OR3A3: variants seen among roughly 807,000 people sequenced by gnomAD.
OR3A3 encodes the protein olfactory receptor family 3 subfamily A member 3, also known as olfactory receptor 3A3.
For missense variants in OR3A3, 275 were observed against 391.4 expected (o/e 0.70, Z 2.51); for synonymous variants, 103 against 163.9 (o/e 0.63, Z 2.84).
chr17:3,413,835 A>C (rs2072375004), intron 2 of OR3A3, among the ~76,000 whole-genome samples: 2 of 144,736 alleles, frequency 1.4e-5, no homozygotes, highest in African/African-American at 5.5e-5. Flanking sequence ...AAAAACAAAA[A>C]AACAAAAAAC....
At chr17:3,418,219 C>A (rs1184250361) in intron 2 of OR3A3, among the ~76,000 whole-genome samples, 1 of 152,142 alleles carries the variant, frequency 6.6e-6, no homozygotes, top group Non-Finnish European at 1.5e-5. Flanking sequence ...CTCCTCTACC[C>A]TCCCCATTTT....
chr17:3,416,453 C>CAAAAAAA (rs56117626), intron 2 of OR3A3, among the ~76,000 whole-genome samples: 2 of 147,698 alleles, frequency 1.4e-5, no homozygotes, highest in African/African-American at 2.5e-5. Flanking sequence ...GCACACTTCG[C>CAAAAAAA]AAAAAAAAAA....
At chr17:3,423,170 A>T (rs752116013) in exon 3 of OR3A3, 1 of 152,408 alleles carries the variant, frequency 6.6e-6, no homozygotes, top group Admixed American at 6.5e-5. Context: ...CACCTGTACC[A>T]TAAGGGACTG....
At chr17:3,422,310 G>C (rs1231610470) in exon 3 of OR3A3, 1 of 152,140 alleles carries the variant, frequency 6.6e-6, no homozygotes, top group Non-Finnish European at 1.5e-5. Flanking sequence ...TATACCTTAA[G>C]ATCAAAAAGG....
intron 2 of OR3A3, among the ~76,000 whole-genome samples, chr17:3,413,233 A>G (rs1230973091): frequency 6.6e-6 from 1 of 152,142 alleles, no homozygotes. Context: ...AAAGAGAGAA[A>G]CAGAGAGACA....
intron 2 of OR3A3, among the ~76,000 whole-genome samples, chr17:3,417,133 G>C (rs2072397162): frequency 6.6e-6 from 1 of 151,834 alleles, no homozygotes; most frequent in Non-Finnish European, 1.5e-5. Context: ...CTTAGTTAAG[G>C]TTTGTCAATT....
At chr17:3,417,579 A>G (rs138106875) in intron 2 of OR3A3, among the ~76,000 whole-genome samples, 168 of 152,198 alleles carry the variant, frequency 1.1e-3, no homozygotes, top group African/African-American at 3.9e-3. Flanking sequence ...AGTTTATTCT[A>G]TGGGGCTCAT....
At chr17:3,421,610 T>C (rs986312137) in exon 3 of OR3A3, 2 of 1,487,012 alleles carry the variant, frequency 1.3e-6, no homozygotes, top group Admixed American at 2.3e-5. Context: ...ACCTTGTTTA[T>C]AACCATTATT....
intron 1 of OR3A3, 43 bp from the exon 2 acceptor site, chr17:3,411,935 G>A (rs1306750093): frequency 1.3e-5 from 2 of 151,766 alleles, no homozygotes; most frequent in African/African-American, 2.4e-5. Context: ...GGCCTGAGGT[G>A]TCTCCTTTTC....
chr17:3,414,674 A>T lies in OR3A3; in HGVS notation c.-7+2503A>T, dbSNP rs542209525. 9.8e-5 allele frequency among the ~76,000 whole-genome samples: 15 copies of T among 152,304 alleles called. 1 individual carries two copies. In the South Asian group the frequency reaches 3.1e-3, roughly 32 times the overall value. On this transcript the variant is annotated intron_variant, in intron 2 of 2. Coordinates refer to ENST00000641141, the Ensembl canonical transcript of OR3A3. ...CAAATCACCTCAGGATGTCAGAGAAAAGGCATTTACTGGCAAGCCAGGAGA... is the reference window on the plus strand; with the variant it reads ...CAAATCACCTCAGGATGTCAGAGAATAGGCATTTACTGGCAAGCCAGGAGA...
chr17:3,417,137 G>T (rs534190945), intron 2 of OR3A3, among the ~76,000 whole-genome samples: 2 of 152,098 alleles, frequency 1.3e-5, no homozygotes, highest in Admixed American at 1.3e-4. Context: ...GTTAAGGTTT[G>T]TCAATTTCAT....
chr17:3,421,601 C>T lies in OR3A3; in HGVS notation c.*68C>T, dbSNP rs150010860. On this transcript the variant is annotated 3_prime_UTR_variant, in exon 3 of 3. Transcript: ENST00000641141. Reference sequence around the variant, plus strand: ...TCCCGAGAAGATAGTAACCAACAAACCTTGTTTATAACCATTATTTCTATC... The same window carrying T: ...TCCCGAGAAGATAGTAACCAACAAATCTTGTTTATAACCATTATTTCTATC... 41 of 1,500,872 alleles carry T rather than the reference C, an allele frequency of 2.7e-5. No individual in the cohort carries two copies. The African/African-American group carries it at 3.6e-4, about 13-fold the overall frequency. The allele number at this position is 1,500,872 out of a possible 1,614,324, so 93.0% of individuals were successfully genotyped here.
chr17:3,414,184 G>A (rs1567582921), intron 2 of OR3A3, among the ~76,000 whole-genome samples: 1 of 152,082 alleles, frequency 6.6e-6, no homozygotes, highest in African/African-American at 2.4e-5. Flanking sequence ...CGATTCTCCT[G>A]CCTCAGCCAC....
exon 3 of OR3A3, chr17:3,420,789 C>G (rs199568097): frequency 7.6e-7 from 1 of 1,310,412 alleles, no homozygotes; most frequent in East Asian, 2.5e-5. Context: ...TCCTGGGGAA[C>G]CTGTCAGTGC....
chr17:3,412,323 T>C (rs1249950020), intron 2 of OR3A3, among the ~76,000 whole-genome samples, 152 bp downstream of exon 2: 1 of 148,510 alleles, frequency 6.7e-6, no homozygotes, highest in East Asian at 2.1e-4. Flanking sequence ...GGTCCTGGGT[T>C]CTTTTGTGGT....
chr17:3,416,749 G>GTA (rs756275903), intron 2 of OR3A3, among the ~76,000 whole-genome samples: 15 of 151,790 alleles, frequency 9.9e-5, no homozygotes, highest in African/African-American at 9.7e-5. Flanking sequence ...TGTGATGTGT[G>GTA]TATATATATA....
At chr17:3,413,239 A>G (rs2072371621) in intron 2 of OR3A3, among the ~76,000 whole-genome samples, 1 of 152,138 alleles carries the variant, frequency 6.6e-6, no homozygotes, top group Admixed American at 6.5e-5. Context: ...AGAAACAGAG[A>G]GACAGGCAGG....
rs370226428 is a variant in OR3A3 at position 3,420,551 on chromosome 17, A to G, written c.-6-29A>G. 2.9e-5 allele frequency: 46 copies of G among 1,567,680 alleles called. No homozygotes were observed. In the African/African-American group the frequency reaches 4.8e-4, roughly 16 times the overall value. On this transcript the variant is annotated intron_variant, in intron 2 of 2. Transcript: ENST00000641141. The stretch of plus-strand genomic sequence containing the variant: ...GTTAATGTGAACTGAGTGAACTGAT[A>G]CCTCCCCTGCTGGGACATGTCCTTA...
In OR3A3 at chr17:3,421,014, C is replaced by G. The variant is rs763759096; in HGVS notation, c.429C>G (p.Val143=). 15 of 1,614,044 alleles carry G rather than the reference C, an allele frequency of 9.3e-6. No individual in the cohort carries two copies. In the East Asian group the frequency reaches 1.6e-4, roughly 17 times the overall value. ...ACAGCACCCGCATGAGTCAGACAGT[C>G]CAGAGGATGTTGGTGGCTGCGTCCT... is the stretch of plus-strand genomic sequence containing the variant. Residue 143 remains valine, a synonymous_variant, in exon 3 of 3, where the codon GTC becomes GTG. Coordinates refer to ENST00000641141, the Ensembl canonical transcript of OR3A3.
Sources: allele counts gnomAD v4.1 joint callset (sites outside exome capture counted in the v4.1 genomes callset), GRCh38; gene constraint gnomAD v4.1.1; transcripts MANE v1.5; gene names NCBI Gene and HGNC (gene_info 2026-07-23, HGNC 2026-07-21).